The following COLGALT1 variants were observed in gnomAD, a reference collection of about 807,000 sequenced individuals.
COLGALT1 encodes collagen beta(1-O)galactosyltransferase 1.
A neutral mutation model predicts 60.8 loss-of-function variants in COLGALT1; 43 were observed. That is an observed-to-expected ratio of 0.71 (90% CI 0.55 to 0.91). COLGALT1 has a LOEUF of 0.91. Ranked by LOEUF, COLGALT1 falls within the 40% of genes least tolerant of loss-of-function variation. COLGALT1 has a pLI of 0.00. For missense variants in COLGALT1, 845 were observed against 880.0 expected (o/e 0.96, Z 0.50); for synonymous variants, 369 against 374.2 (o/e 0.99, Z 0.16).
intron 3 of COLGALT1, 108 bp downstream of exon 3, chr19:17,560,573 G>A (rs73525772): frequency 0.073 from 63,027 of 862,180 alleles, 4,133 homozygotes; most frequent in African/African-American, 0.3. Context: ...TTTGCAGAAG[G>A]GTAAACTGAG....
In COLGALT1 at chr19:17,581,909, A is replaced by AT. The variant is rs34244232; in HGVS notation, c.*484dup. 30,578 of 140,212 alleles carry AT rather than the reference A, an allele frequency of 0.22. 4,214 individuals are homozygous for AT. Among genetic ancestry groups the AT allele is most frequent in the African/African-American group, 0.4 (14,339 of 35,774 alleles). 8.7% of individuals were successfully genotyped at this position (140,212 alleles called of 1,614,324 possible). On this transcript the variant is annotated 3_prime_UTR_variant, in exon 12 of 12. Transcript: ENST00000252599. ...GTTGGGTGCCATTCCAGGCTCTGGG[A>AT]TTTTTTTTTTTTTTTTTTTAAGAGT...
At chr19:17,578,714 A>G (rs1200570799) in intron 9 of COLGALT1, among the ~76,000 whole-genome samples, 1 of 152,238 alleles carries the variant, frequency 6.6e-6, no homozygotes, top group African/African-American at 2.4e-5. Context: ...ACCGTGTCTC[A>G]GAAAAAAGAA....
Position 17,581,360 on chromosome 19 carries a change from G to A in COLGALT1, c.1785G>A (p.Arg595=), listed in dbSNP as rs150947612. The A allele has an allele frequency of 5.0e-6, 8 of 1,613,280 alleles. No individual in the cohort carries two copies. In the African/African-American group the frequency reaches 1.1e-4, roughly 22 times the overall value. ...ACCGCGCCAAGTCCCAGAAGATGCGGGAGCAGCAGGCACTGAGCCGTGAGG... is the reference window on the plus strand; with the variant it reads ...ACCGCGCCAAGTCCCAGAAGATGCGAGAGCAGCAGGCACTGAGCCGTGAGG... ...DWDRAKSQKM[R]EQQALSREAK... The change falls in exon 12 of 12, where the codon CGG becomes CGA. Residue 595 remains arginine, a synonymous_variant. Coordinates refer to ENST00000252599, the MANE Select transcript of COLGALT1 (RefSeq NM_024656.4).
In COLGALT1 at chr19:17,560,501, C is replaced by T. The variant is rs776610564; in HGVS notation, c.489+36C>T. 11 of 1,550,240 alleles carry T rather than the reference C, an allele frequency of 7.1e-6. No individual in the cohort carries two copies. In the South Asian group the frequency reaches 1.2e-4, roughly 17 times the overall value. The stretch of plus-strand genomic sequence containing the variant: ...CAGCCGGCCGGATATGGATCACAGG[C>T]AGGTCTGGGTATCCCCAGGGAAGGC... On this transcript the variant is annotated intron_variant, in intron 3 of 11. Transcript: ENST00000252599.
At chr19:17,563,395 G>C (rs962243025) in intron 3 of COLGALT1, among the ~76,000 whole-genome samples, 1 of 151,626 alleles carries the variant, frequency 6.6e-6, no homozygotes, top group South Asian at 2.1e-4. Context: ...TGTCGCCCAG[G>C]CTGGAGTGCA....
At chr19:17,575,132 A>T (rs9749200) in intron 6 of COLGALT1, among the ~76,000 whole-genome samples, 27,362 of 152,054 alleles carry the variant, frequency 0.18, 2,531 homozygotes, top group Middle Eastern at 0.22. Context: ...GCTCACTGCA[A>T]CCTCCGCCTC....
chr19:17,569,134 T>C (rs2076297272), intron 5 of COLGALT1, among the ~76,000 whole-genome samples: 1 of 151,918 alleles, frequency 6.6e-6, no homozygotes, highest in Admixed American at 6.6e-5. Context: ...ATCACTTGAA[T>C]ATGGGAGGCG....
At chr19:17,557,378 T>C (rs1221157279) in intron 1 of COLGALT1, among the ~76,000 whole-genome samples, 2 of 152,188 alleles carry the variant, frequency 1.3e-5, no homozygotes, top group Non-Finnish European at 2.9e-5. Context: ...CTCAGCTCAT[T>C]GCAACCTCCG....
At chr19:17,561,607 G>A (rs113625528) in intron 3 of COLGALT1, among the ~76,000 whole-genome samples, 12 of 132,902 alleles carry the variant, frequency 9.0e-5, no homozygotes, top group African/African-American at 3.4e-4. Flanking sequence ...ACTCCAACCT[G>A]GGCCACAGTA....
chr19:17,577,846 A>G, intron 8 of COLGALT1, 111 bp from the exon 9 acceptor site: 1 of 1,429,420 alleles, frequency 7.0e-7, no homozygotes, highest in South Asian at 1.3e-5. Flanking sequence ...TGCCAGTGCT[A>G]CAAGAGGTGG....
Position 17,567,533 on chromosome 19 carries a change from C to T in COLGALT1, c.617C>T (p.Thr206Ile). The change falls in exon 4 of 12, where the codon ACT becomes ATT. Residue 206 changes from threonine (T) to isoleucine (I), a missense_variant. Coordinates refer to ENST00000252599, the MANE Select transcript of COLGALT1 (RefSeq NM_024656.4). Reference sequence around the variant, plus strand: ...TACTCCAACTTCTGGTGTGGAATGACTTCCCAGGTAGAGTGAGGGCCTGGG... The same window carrying T: ...TACTCCAACTTCTGGTGTGGAATGATTTCCCAGGTAGAGTGAGGGCCTGGG... Reference protein sequence around the residue: ...AAYSNFWCGMTSQGYYKRTPA... With the variant: ...AAYSNFWCGMISQGYYKRTPA... 1.2e-6 allele frequency: 2 copies of T among 1,612,820 alleles called. No homozygotes were observed. Among genetic ancestry groups the T allele is most frequent in the South Asian group, 1.1e-5 (1 of 90,812 alleles).
In COLGALT1 at chr19:17,580,766, G is replaced by T. The variant is rs201797838; in HGVS notation, c.1462G>T (p.Val488Leu). Reference protein sequence around the residue: ...EKAVPRVRNLVEADYSYWTLA... With the variant: ...EKAVPRVRNLLEADYSYWTLA... ...GGCTGTGCCTCGCGTGAGGAACCTG[G>T]TGGAGGCCGACTATTCCTACTGGAC... Residue 488 changes from valine to leucine, a missense_variant, in exon 11 of 12, where the codon GTG becomes TTG. Physicochemically the swap from Val to Leu is conservative, Grantham distance 32 (BLOSUM62 1). Transcript: ENST00000252599. 1 of 1,614,038 alleles carries T rather than the reference G, an allele frequency of 6.2e-7. No homozygotes were observed. Among genetic ancestry groups the T allele is most frequent in the Non-Finnish European group, 8.5e-7 (1 of 1,180,008 alleles).
intron 6 of COLGALT1, among the ~76,000 whole-genome samples, chr19:17,576,767 C>T (rs2076343939): frequency 7.5e-6 from 1 of 132,918 alleles, no homozygotes; most frequent in Admixed American, 7.6e-5. Context: ...GAAGCTGGGG[C>T]CTGGGGCGTG....
At chr19:17,578,731 C>T (rs2076360249) in intron 9 of COLGALT1, among the ~76,000 whole-genome samples, 1 of 152,180 alleles carries the variant, frequency 6.6e-6, no homozygotes, top group Admixed American at 6.6e-5. Context: ...AGAAAAATGG[C>T]TGGGCGTGGT....
chr19:17,561,713 A>C (rs934630980), intron 3 of COLGALT1, among the ~76,000 whole-genome samples: 1 of 151,700 alleles, frequency 6.6e-6, no homozygotes, highest in Non-Finnish European at 1.5e-5. Context: ...CTTATGGAGC[A>C]CAAGTGTAAT....
At position 17,579,185 on chromosome 19, in the gene COLGALT1, AAAAG is replaced by A. The variant is rs940991236; in HGVS notation, c.1267-293_1267-290del. 5.9e-5 allele frequency among the ~76,000 whole-genome samples: 9 copies of A among 152,070 alleles called. No individual in the cohort carries two copies. The South Asian group carries it at 1.2e-3, about 21-fold the overall frequency. The stretch of plus-strand genomic sequence containing the variant: ...TCCGTCTCAAAAAAAAAAAAAAAGA[AAAAG>A]AAAAGAAAAACTTGTTATCGAATGT... On this transcript the variant is annotated intron_variant, in intron 9 of 11. Transcript: ENST00000252599.
chr19:17,563,604 C>T (rs1400004160), intron 3 of COLGALT1, among the ~76,000 whole-genome samples: 2 of 152,280 alleles, frequency 1.3e-5, no homozygotes, highest in South Asian at 2.1e-4. Flanking sequence ...CCGGCTTGGC[C>T]TCCCAAAGTG....
chr19:17,559,194 C>T (rs2076233486), intron 1 of COLGALT1, 117 bp from the exon 2 acceptor site: 3 of 724,242 alleles, frequency 4.1e-6, no homozygotes, highest in African/African-American at 1.7e-5. Context: ...AGTGTCCTGT[C>T]CAGGGATACA....
chr19:17,572,366 A>T (rs970698350), intron 5 of COLGALT1, 117 bp from the exon 6 acceptor site: 1 of 1,502,266 alleles, frequency 6.7e-7, no homozygotes, highest in African/African-American at 1.4e-5. Flanking sequence ...CTGGTCTCAG[A>T]CACCTGACCT....
Sources: gnomAD v4.1 joint callset for allele counts (sites outside exome capture counted in the v4.1 genomes callset) on GRCh38, gnomAD v4.1.1 for gene constraint, MANE v1.5 for transcripts, NCBI Gene and HGNC (gene_info 2026-07-23, HGNC 2026-07-21) for gene names.